SBF2: variants seen among roughly 807,000 people sequenced by gnomAD.
The protein encoded by SBF2 is myotubularin-related protein 13.
In SBF2, 112 loss-of-function variants were observed where a neutral mutation model predicts 225.2. The observed-to-expected ratio is 0.50, with a 90% CI of 0.43 to 0.58. SBF2 has a LOEUF of 0.58. Among genes scored for constraint, SBF2 ranks in the 20% least tolerant of loss-of-function variants. SBF2 has a pLI of 0.00. For missense variants in SBF2, 1,996 were observed against 2,206.2 expected (o/e 0.90, Z 1.91); for synonymous variants, 763 against 773.3 (o/e 0.99, Z 0.22).
intron 16 of SBF2, among the ~76,000 whole-genome samples, chr11:9,899,636 T>C (rs1236126800): frequency 1.3e-5 from 2 of 151,858 alleles, no homozygotes; most frequent in East Asian, 3.9e-4. Flanking sequence ...GGGTCCCAAG[T>C]ACACTAAAAG....
chr11:9,845,769 G>C, intron 23 of SBF2, 29 bp from the exon 24 acceptor site: 1 of 1,608,148 alleles, frequency 6.2e-7, no homozygotes, highest in Non-Finnish European at 8.5e-7. Flanking sequence ...AAACACAAAA[G>C]AAGCATTAAG....
At chr11:10,244,716 A>G (rs1347822644) in intron 1 of SBF2, among the ~76,000 whole-genome samples, 1 of 152,226 alleles carries the variant, frequency 6.6e-6, no homozygotes, top group African/African-American at 2.4e-5. Flanking sequence ...CCAAGGAAAC[A>G]ATAAACAAAA....
chr11:10,229,035 TG>T (rs775170259), intron 1 of SBF2, among the ~76,000 whole-genome samples: 4 of 152,192 alleles, frequency 2.6e-5, no homozygotes, highest in Non-Finnish European at 5.9e-5. Context: ...AACTTCTTCC[TG>T]GTTTAGTCTT....
At chr11:9,916,489 G>A (rs578204583) in intron 16 of SBF2, among the ~76,000 whole-genome samples, 102 of 151,996 alleles carry the variant, frequency 6.7e-4, no homozygotes, top group Middle Eastern at 3.4e-3. Context: ...TTTCACACTC[G>A]GTGAAATGTG....
chr11:9,902,734 A>G (rs2134158401), intron 16 of SBF2, among the ~76,000 whole-genome samples: 1 of 152,310 alleles, frequency 6.6e-6, no homozygotes, highest in South Asian at 2.1e-4. Flanking sequence ...ACTGTATAAA[A>G]CAATGACAAT....
chr11:10,084,274 GA>G (rs1951472696), intron 2 of SBF2, among the ~76,000 whole-genome samples: 1 of 151,986 alleles, frequency 6.6e-6, no homozygotes, highest in Non-Finnish European at 1.5e-5. Flanking sequence ...CAAAAGACAT[GA>G]ACAGGCATTA....
chr11:10,086,673 G>A (rs192095017), intron 2 of SBF2, among the ~76,000 whole-genome samples: 6 of 152,240 alleles, frequency 3.9e-5, no homozygotes, highest in East Asian at 1.9e-4. Flanking sequence ...TAATGTCTAC[G>A]TTCACCTTCA....
chr11:9,914,367 G>A (rs1862898015), intron 16 of SBF2, among the ~76,000 whole-genome samples: 1 of 152,200 alleles, frequency 6.6e-6, no homozygotes, highest in African/African-American at 2.4e-5. Flanking sequence ...GAATCTCTGA[G>A]AGCCAAGAAA....
chr11:9,824,165 G>T (rs139899008), intron 28 of SBF2, among the ~76,000 whole-genome samples: 10 of 152,302 alleles, frequency 6.6e-5, no homozygotes, highest in Non-Finnish European at 7.4e-5. Flanking sequence ...GATTAGCAAA[G>T]AATGGAGTCA....
Position 9,812,531 on chromosome 11 carries a change from C to T in SBF2, c.4155+1G>A. 6.2e-7 allele frequency: 1 copy of T among 1,614,102 alleles called. No individual in the cohort carries two copies. Among genetic ancestry groups the T allele is most frequent in the African/African-American group, 1.3e-5 (1 of 75,022 alleles). On this transcript the variant is annotated splice_donor_variant, in intron 30 of 39. Transcript: ENST00000256190. LOFTEE classifies it high-confidence loss of function. ...AAGAAAGAAGCTGCTTCAGACATTA[C>T]CTGTGGGAACCACTCAGAATCTCCC...
intron 2 of SBF2, among the ~76,000 whole-genome samples, chr11:10,108,324 T>C (rs1027440329): frequency 6.6e-6 from 1 of 152,116 alleles, no homozygotes; most frequent in African/African-American, 2.4e-5. Context: ...TCCCTGAGCA[T>C]TGTCTTCTAC....
intron 2 of SBF2, among the ~76,000 whole-genome samples, chr11:10,139,789 T>C (rs540924100): frequency 6.6e-6 from 1 of 152,348 alleles, no homozygotes; most frequent in South Asian, 2.1e-4. Flanking sequence ...TTAGTTTCCC[T>C]GCCAAGGAAA....
chr11:9,786,896 TATATAC>T (rs1277107398), intron 36 of SBF2, among the ~76,000 whole-genome samples: 3 of 152,120 alleles, frequency 2.0e-5, no homozygotes, highest in Non-Finnish European at 4.4e-5. Context: ...TTAAAATATA[TATATAC>T]ATTTTTTTGA....
chr11:10,149,318 A>G (rs777008517), intron 2 of SBF2: 3 of 152,092 alleles, frequency 2.0e-5, no homozygotes, highest in Non-Finnish European at 4.4e-5. Flanking sequence ...TTTTTTGCTC[A>G]AAGCCTTCTT....
chr11:10,130,293 C>T (rs1953976150), intron 2 of SBF2, among the ~76,000 whole-genome samples: 1 of 149,776 alleles, frequency 6.7e-6, no homozygotes, highest in Non-Finnish European at 1.5e-5. Flanking sequence ...ACGCAGGAGG[C>T]GGAGGTTGCA....
chr11:9,984,985 G>T (rs924522148), intron 13 of SBF2, among the ~76,000 whole-genome samples: 1 of 152,114 alleles, frequency 6.6e-6, no homozygotes, highest in Non-Finnish European at 1.5e-5. Flanking sequence ...CCTCTTTAAA[G>T]CATAAATCAC....
chr11:10,110,611 T>TTGAA (rs1952792342), intron 2 of SBF2, among the ~76,000 whole-genome samples: 1 of 152,134 alleles, frequency 6.6e-6, no homozygotes, highest in African/African-American at 2.4e-5. Context: ...AATTTCAAAT[T>TTGAA]ACTTTAAAAT....
chr11:10,225,074 A>G (rs1958485446), intron 1 of SBF2, among the ~76,000 whole-genome samples: 1 of 152,204 alleles, frequency 6.6e-6, no homozygotes, highest in African/African-American at 2.4e-5. Context: ...TTTAACAAAT[A>G]AAAGCTCATA....
At chr11:9,813,913 G>C (rs1020985733) in intron 29 of SBF2, among the ~76,000 whole-genome samples, 2 of 152,078 alleles carry the variant, frequency 1.3e-5, no homozygotes, top group Non-Finnish European at 2.9e-5. Context: ...CTGCACTCCA[G>C]CGTGGGCAGC....
Sources: gnomAD v4.1 joint callset for allele counts (sites outside exome capture counted in the v4.1 genomes callset) on GRCh38, gnomAD v4.1.1 for gene constraint, MANE v1.5 for transcripts, NCBI Gene and HGNC (gene_info 2026-07-23, HGNC 2026-07-21) for gene names.